The following MED12L variants were observed in gnomAD, a reference collection of about 807,000 sequenced individuals.
MED12L encodes mediator of RNA polymerase II transcription subunit 12-like protein.
In MED12L, 60 loss-of-function variants were observed where a neutral mutation model predicts 281.3. That is an observed-to-expected ratio of 0.21 (90% CI 0.17 to 0.26). The LOEUF is 0.26. Ranked by LOEUF, MED12L falls within the 10% of genes least tolerant of loss-of-function variation. The pLI is 1.00. For missense variants in MED12L, 2,146 were observed against 2,680.9 expected, an observed-to-expected ratio of 0.80 and a Z score of 4.41; for synonymous variants, 974 against 987.2, an observed-to-expected ratio of 0.99 and a Z score of 0.25.
intron 16 of MED12L, among the ~76,000 whole-genome samples, chr3:151,281,335 G>A (rs111797687): frequency 0.027 from 4,051 of 151,468 alleles, 166 homozygotes; most frequent in African/African-American, 0.094. Context: ...ACTCGAACCC[G>A]GGAGGTGGAA....
At chr3:151,414,518 C>G (rs188223568) in intron 42 of MED12L, among the ~76,000 whole-genome samples, 1 of 152,158 alleles carries the variant, frequency 6.6e-6, no homozygotes, top group Admixed American at 6.5e-5. Context: ...AATATCTCCC[C>G]TGAGCATTTG....
chr3:151,295,119 T>C lies in MED12L; in HGVS notation c.2251-54940T>C, dbSNP rs771902875. 3.8e-5 allele frequency: 62 copies of C among 1,613,376 alleles called. No individual in the cohort carries two copies. The Admixed American group carries it at 7.8e-4, about 20-fold the overall frequency. On this transcript the variant is annotated intron_variant, in intron 16 of 44. Coordinates refer to ENST00000687756, the MANE Select transcript of MED12L (RefSeq NM_001393769.1). ...ATGAGATAAAGCACCGGCAAGACAA[T>C]TGTGTCAAATTCATTGTGAAGGGTG...
chr3:151,379,506 G>A (rs537602912), intron 31 of MED12L, among the ~76,000 whole-genome samples: 1 of 152,344 alleles, frequency 6.6e-6, no homozygotes, highest in Non-Finnish European at 1.5e-5. Flanking sequence ...ACCAGTGGAT[G>A]CTGCGGGCTA....
chr3:151,227,440 T>G (rs1442054280), intron 16 of MED12L, among the ~76,000 whole-genome samples: 1 of 152,250 alleles, frequency 6.6e-6, no homozygotes, highest in Non-Finnish European at 1.5e-5. Flanking sequence ...TTAGGTTGGA[T>G]TTATAAACTG....
intron 18 of MED12L, among the ~76,000 whole-genome samples, chr3:151,355,593 G>C (rs7648875): frequency 0.27 from 41,211 of 152,030 alleles, 5,874 homozygotes; most frequent in Non-Finnish European, 0.31. Context: ...CATCTGTTTT[G>C]CTTTACAAAT....
chr3:151,171,684 T>C (rs1382261683), intron 11 of MED12L, among the ~76,000 whole-genome samples: 1 of 152,234 alleles, frequency 6.6e-6, no homozygotes, highest in Non-Finnish European at 1.5e-5. Flanking sequence ...ATGTTTTGAA[T>C]GGCAAAGGCC....
chr3:151,192,950 ATGT>A (rs111623227), intron 15 of MED12L, among the ~76,000 whole-genome samples: 5 of 152,212 alleles, frequency 3.3e-5, no homozygotes, highest in African/African-American at 1.2e-4. Flanking sequence ...ATGACAGTCC[ATGT>A]TGATTTGCTA....
chr3:151,110,720 A>G (rs529026515), intron 2 of MED12L, among the ~76,000 whole-genome samples: 14 of 152,148 alleles, frequency 9.2e-5, no homozygotes, highest in African/African-American at 2.9e-4. Flanking sequence ...TGAAGTGAAA[A>G]CTTTATACGC....
chr3:151,226,152 G>C (rs1730449750), intron 16 of MED12L, among the ~76,000 whole-genome samples: 1 of 152,208 alleles, frequency 6.6e-6, no homozygotes, highest in African/African-American at 2.4e-5. Context: ...CAGGAACACA[G>C]TGAGCACGTA....
At chr3:151,430,588 C>G (rs1456250039) in intron 44 of MED12L, among the ~76,000 whole-genome samples, 1 of 150,872 alleles carries the variant, frequency 6.6e-6, no homozygotes, top group Non-Finnish European at 1.5e-5. Flanking sequence ...CAATTTTTCT[C>G]AAATTCAGTG....
At chr3:151,275,967 G>A (rs576249263) in intron 16 of MED12L, among the ~76,000 whole-genome samples, 1 of 152,288 alleles carries the variant, frequency 6.6e-6, no homozygotes, top group Admixed American at 6.5e-5. Flanking sequence ...ATCCCAAGTA[G>A]TAGACAGCAT....
At chr3:151,368,671 TTTCATGTC>T in intron 25 of MED12L, among the ~76,000 whole-genome samples, 2 of 77,582 alleles carry the variant, frequency 2.6e-5, no homozygotes, top group Non-Finnish European at 5.1e-5. Flanking sequence ...TTTCATTTCA[TTTCATGTC>T]ATTTCATTTT....
rs1560163612 is a variant in MED12L at position 151,435,079 on chromosome 3, T to TTTTTTTTTC, written c.*2278_*2279insTTTTTCTTT. On this transcript the variant is annotated 3_prime_UTR_variant, in exon 45 of 45. Coordinates refer to ENST00000687756, the MANE Select transcript of MED12L (RefSeq NM_001393769.1). ...AGAGGTTTCTTTTTTTTTTTTTTTT[T>TTTTTTTTTC]TTTCTTTTCTTGCAAATGCATTCTT... 1 of 148,480 alleles carries TTTTTTTTTC rather than the reference T, an allele frequency of 6.7e-6. No individual in the cohort carries two copies. The highest frequency in any genetic ancestry group is 2.5e-5 in the African/African-American group (1 of 40,328). 9.2% of individuals were successfully genotyped at this position (148,480 alleles called of 1,614,324 possible). A position where few individuals can be genotyped will look rare whatever the true frequency, so the allele number is the denominator to read the frequency against.
intron 16 of MED12L, among the ~76,000 whole-genome samples, chr3:151,250,874 G>T (rs73023010): frequency 6.6e-6 from 1 of 152,056 alleles, no homozygotes; most frequent in Non-Finnish European, 1.5e-5. Context: ...ACCATCTTAC[G>T]TTCCCACCAA....
rs565716901 is a variant in MED12L at position 151,311,321 on chromosome 3, C to CTG, written c.2251-38726_2251-38725dup. Among the ~76,000 whole-genome samples, 1,084 of 150,834 alleles carry CTG rather than the reference C, an allele frequency of 7.2e-3. 11 individuals carry two copies. Among genetic ancestry groups the CTG allele is most frequent in the South Asian group, 0.024 (115 of 4,750 alleles). The stretch of plus-strand genomic sequence containing the variant: ...TTAAAATTATATATATATATATAAA[C>CTG]TGTGTGTGTGTGTATATATATATAT... On this transcript the variant is annotated intron_variant, in intron 16 of 44. Coordinates refer to ENST00000687756, the MANE Select transcript of MED12L (RefSeq NM_001393769.1).
In MED12L at chr3:151,376,186, A is replaced by G. The variant is rs1293790168; in HGVS notation, c.4025A>G (p.Gln1342Arg). The change falls in exon 28 of 45, where the codon CAA becomes CGA. Residue 1342 changes from glutamine (Q) to arginine (R), a missense_variant. Gln to Arg is a conservative substitution (Grantham distance 43). This residue lies in a region of MED12L where 235 missense variants were observed against 260.3 expected (regional missense o/e 0.90). Transcript: ENST00000687756. Reference protein sequence around the residue: ...IKECTEGDNLQRQHIKRILQN... With the variant: ...IKECTEGDNLRRQHIKRILQN... ...GAATGTACCGAGGGGGACAATCTGC[A>G]AAGACAGCACATTAAGCGTATTCTT... 6.3e-7 allele frequency: 1 copy of G among 1,596,962 alleles called. No homozygotes were observed. The highest frequency in any genetic ancestry group is 8.5e-7 in the Non-Finnish European group (1 of 1,173,284).
At chr3:151,233,626 G>A (rs1257330326) in intron 16 of MED12L, among the ~76,000 whole-genome samples, 2 of 152,156 alleles carry the variant, frequency 1.3e-5, no homozygotes, top group Non-Finnish European at 2.9e-5. Flanking sequence ...CCAGCTACTC[G>A]GGAGGCTGAG....
intron 16 of MED12L, among the ~76,000 whole-genome samples, chr3:151,211,819 A>AT (rs1039364949): frequency 9.9e-5 from 15 of 151,942 alleles, no homozygotes; most frequent in African/African-American, 2.4e-4. Context: ...GGCTAATTAT[A>AT]TTTTTTTGTA....
Position 151,129,611 on chromosome 3 carries a change from G to A in MED12L, c.556+1627G>A, listed in dbSNP as rs150491410. Among the ~76,000 whole-genome samples, 15 of 152,008 alleles carry A rather than the reference G, an allele frequency of 9.9e-5. No homozygotes were observed. In the East Asian group the frequency reaches 2.9e-3, roughly 29 times the overall value. ...AGTGCTGAAGTAGATACAACATGAT[G>A]TTCAGGTTTCTCTTCTCCCTTCTCC... On this transcript the variant is annotated intron_variant, in intron 5 of 44. Coordinates refer to ENST00000687756, the MANE Select transcript of MED12L (RefSeq NM_001393769.1).
Sources: gnomAD v4.1 joint callset for allele counts (sites outside exome capture counted in the v4.1 genomes callset) on GRCh38, gnomAD v4.1.1 for gene constraint, gnomAD v4.1.1 regional missense constraint, MANE v1.5 for transcripts, NCBI Gene and HGNC (gene_info 2026-07-23, HGNC 2026-07-21) for gene names.